PPP2R2B: variants seen among roughly 807,000 people sequenced by gnomAD.
PPP2R2B encodes the protein serine/threonine-protein phosphatase 2A 55 kDa regulatory subunit B beta isoform.
PPP2R2B carries 5 observed loss-of-function variants against 46.0 expected under a neutral mutation model. That is an observed-to-expected ratio of 0.11 (90% CI 0.06 to 0.23). PPP2R2B has a LOEUF of 0.23. Ranked by LOEUF, PPP2R2B falls within the 10% of genes least tolerant of loss-of-function variation. The probability of loss-of-function intolerance (pLI) is 1.00; values close to 1 mark genes in which losing one functional copy is unlikely to be tolerated. For missense variants in PPP2R2B, 367 were observed against 575.0 expected (o/e 0.64, Z 3.70); for synonymous variants, 215 against 206.7 (o/e 1.04, Z -0.34).
intron 1 of PPP2R2B, among the ~76,000 whole-genome samples, chr5:147,019,507 A>G (rs1368478466): frequency 6.6e-6 from 1 of 152,170 alleles, no homozygotes; most frequent in Non-Finnish European, 1.5e-5. Context: ...TTTCACAATG[A>G]CCTGAATGAA....
intron 1 of PPP2R2B, among the ~76,000 whole-genome samples, chr5:146,904,022 A>G (rs944751386): frequency 6.6e-6 from 1 of 152,092 alleles, no homozygotes; most frequent in Non-Finnish European, 1.5e-5. Flanking sequence ...GTAATTAGTG[A>G]TATTCTTGTC....
In PPP2R2B at chr5:146,583,329, A is replaced by G. The variant is rs933441558; in HGVS notation, c.*6618T>C. The G allele has an allele frequency of 2.0e-5, 3 of 152,182 alleles. No individual in the cohort carries two copies. The highest frequency in any genetic ancestry group is 7.2e-5 in the African/African-American group (3 of 41,452). The allele number at this position is 152,182 out of a possible 1,614,324, so 9.4% of individuals were successfully genotyped here. On this transcript the variant is annotated 3_prime_UTR_variant, in exon 10 of 10. Coordinates refer to ENST00000394411, the MANE Select transcript of PPP2R2B (RefSeq NM_181675.4). Reference sequence around the variant, plus strand: ...GTAGCAAGAAATGTGCACTGAATGCATATTTGTGGGCCAGGCATCCTTCTA... The same window carrying G: ...GTAGCAAGAAATGTGCACTGAATGCGTATTTGTGGGCCAGGCATCCTTCTA...
chr5:146,631,094 G>A (rs1287694565), intron 7 of PPP2R2B, among the ~76,000 whole-genome samples: 1 of 152,174 alleles, frequency 6.6e-6, no homozygotes, highest in Non-Finnish European at 1.5e-5. Flanking sequence ...ATTGTCCTGG[G>A]CTGTGCTTAC....
At chr5:146,889,193 A>G (rs1431961796) in intron 1 of PPP2R2B, among the ~76,000 whole-genome samples, 1 of 152,214 alleles carries the variant, frequency 6.6e-6, no homozygotes. Context: ...TAGGATGCTT[A>G]TGTAGTAAAG....
chr5:146,946,129 C>T (rs145157780), intron 1 of PPP2R2B, among the ~76,000 whole-genome samples: 9 of 152,240 alleles, frequency 5.9e-5, no homozygotes, highest in Non-Finnish European at 1.0e-4. Context: ...TCCCTTTTAA[C>T]GCTGTAGCCG....
rs117397882 is a variant in PPP2R2B, at chr5:146,802,531, A to C, written c.70+75471T>G. On this transcript the variant is annotated intron_variant, in intron 2 of 9. Coordinates refer to ENST00000394411, the MANE Select transcript of PPP2R2B (RefSeq NM_181675.4). Reference sequence around the variant, plus strand: ...CAAATCCAAGGGAGCATAATGAGTTATGTGAAAATGAACTTGTGCTTGGAA... The same window carrying C: ...CAAATCCAAGGGAGCATAATGAGTTCTGTGAAAATGAACTTGTGCTTGGAA... Among the ~76,000 whole-genome samples the C allele has an allele frequency of 1.8e-4, 28 of 152,314 alleles. No homozygotes were observed. In the East Asian group the frequency reaches 4.8e-3, roughly 26 times the overall value.
intron 1 of PPP2R2B, among the ~76,000 whole-genome samples, chr5:146,896,991 G>A (rs1354386554): frequency 6.6e-6 from 1 of 152,050 alleles, no homozygotes; most frequent in Non-Finnish European, 1.5e-5. Flanking sequence ...AGAAAATTAA[G>A]GTCAATGATG....
In PPP2R2B at chr5:147,027,362, C is replaced by T. The variant is rs970283296; in HGVS notation, c.79+28303G>A. On this transcript the variant is annotated intron_variant, in intron 1 of 8. Coordinates refer to the PPP2R2B transcript ENST00000336640. Reference sequence around the variant, plus strand: ...CAATTAAAAATTAGTGGGCCGGGCGCGGTGGTTCACACCTCTAATCCCAGC... The same window carrying T: ...CAATTAAAAATTAGTGGGCCGGGCGTGGTGGTTCACACCTCTAATCCCAGC... 1.4e-4 allele frequency among the ~76,000 whole-genome samples: 21 copies of T among 152,194 alleles called. No individual in the cohort carries two copies. In the South Asian group the frequency reaches 2.1e-3, roughly 15 times the overall value.
chr5:146,638,817 T>C (rs1237521326), intron 6 of PPP2R2B, among the ~76,000 whole-genome samples: 1 of 152,236 alleles, frequency 6.6e-6, no homozygotes, highest in African/African-American at 2.4e-5. Context: ...TCATTTTATC[T>C]GATTCCTTAA....
At chr5:146,907,663 C>A (rs1763045806) in intron 1 of PPP2R2B, among the ~76,000 whole-genome samples, 1 of 152,232 alleles carries the variant, frequency 6.6e-6, no homozygotes, top group Non-Finnish European at 1.5e-5. Context: ...CCCCCTTTTC[C>A]ATTATCCTGT....
At chr5:146,684,807 A>G (rs1778387332) in intron 5 of PPP2R2B, among the ~76,000 whole-genome samples, 1 of 152,164 alleles carries the variant, frequency 6.6e-6, no homozygotes, top group African/African-American at 2.4e-5. Context: ...CACCAGAATC[A>G]CCTGGGCATT....
Position 146,698,317 on chromosome 5 carries a change from AATATATATAT to A in PPP2R2B, c.169-183_169-174del, listed in dbSNP as rs35533710. Among the ~76,000 whole-genome samples the A allele has an allele frequency of 4.9e-3, 420 of 85,532 alleles. 8 individuals are homozygous for A. The highest frequency in any genetic ancestry group is 0.018 in the East Asian group (45 of 2,528). The allele number at this position is 85,532 out of a possible 152,430, so 56.1% of individuals were successfully genotyped here. A position where few individuals can be genotyped will look rare whatever the true frequency, so the allele number is the denominator to read the frequency against. ...ACCTCTGAAAAAAAAAAAAAAAAAA[AATATATATAT>A]ATATATATATATATATATATATATA... On this transcript the variant is annotated intron_variant, in intron 3 of 9. Transcript: ENST00000394411.
At chr5:147,002,738 T>C (rs867931962) in intron 1 of PPP2R2B, among the ~76,000 whole-genome samples, 2 of 148,716 alleles carry the variant, frequency 1.3e-5, no homozygotes, top group East Asian at 3.9e-4. Context: ...CCAGGGACCA[T>C]TGCGGGTTCT....
At chr5:147,041,937 A>C (rs1218203979) in intron 1 of PPP2R2B, among the ~76,000 whole-genome samples, 2 of 152,040 alleles carry the variant, frequency 1.3e-5, no homozygotes, top group Non-Finnish European at 2.9e-5. Context: ...TAAGAGAGCC[A>C]GACAGACTCC....
intron 5 of PPP2R2B, among the ~76,000 whole-genome samples, chr5:146,673,018 A>C (rs1268862045): frequency 2.0e-5 from 3 of 152,240 alleles, no homozygotes; most frequent in African/African-American, 7.2e-5. Context: ...TTATTCTCTC[A>C]ACATATATGG....
At chr5:146,703,477 C>G (rs1581913191) in intron 2 of PPP2R2B, among the ~76,000 whole-genome samples, 1 of 152,136 alleles carries the variant, frequency 6.6e-6, no homozygotes, top group Admixed American at 6.5e-5. Flanking sequence ...CACTAGAGTT[C>G]TGGGTGGGCT....
chr5:146,803,934 G>A (rs548448443), intron 2 of PPP2R2B, among the ~76,000 whole-genome samples: 6 of 152,156 alleles, frequency 3.9e-5, no homozygotes, highest in South Asian at 2.1e-4. Flanking sequence ...TTGGGAGGCC[G>A]AGGCAGGCAG....
intron 1 of PPP2R2B, among the ~76,000 whole-genome samples, chr5:146,902,877 A>G (rs1264435819): frequency 6.6e-6 from 1 of 152,242 alleles, no homozygotes; most frequent in Non-Finnish European, 1.5e-5. Context: ...ACTAATTCTC[A>G]AATTGTGGTA....
At chr5:146,670,030 G>A (rs1777244878) in intron 5 of PPP2R2B, among the ~76,000 whole-genome samples, 1 of 152,106 alleles carries the variant, frequency 6.6e-6, no homozygotes, top group South Asian at 2.1e-4. Flanking sequence ...ACCAAAAAAT[G>A]TTCACAAAAT....
Sources: allele counts gnomAD v4.1 joint callset (sites outside exome capture counted in the v4.1 genomes callset), GRCh38; gene constraint gnomAD v4.1.1; transcripts MANE v1.5; gene names NCBI Gene and HGNC (gene_info 2026-07-23, HGNC 2026-07-21).